Variants in TXNDC5 observed in about 807,000 individuals in gnomAD.
The protein encoded by TXNDC5 is thioredoxin domain-containing protein 5.
Under a neutral mutation model 52.6 loss-of-function variants are expected in TXNDC5, and 44 were observed. The observed-to-expected ratio is 0.84, with a 90% CI of 0.66 to 1.08. The LOEUF (loss-of-function observed/expected upper bound fraction) is 1.08. Among genes scored for constraint, TXNDC5 ranks in the 50% least tolerant of loss-of-function variants. The pLI is 0.00. For missense variants in TXNDC5, 600 were observed against 565.5 expected (o/e 1.06, Z -0.62); for synonymous variants, 241 against 234.4 (o/e 1.03, Z -0.26).
At chr6:7,902,309 C>G (rs1760596574) in intron 2 of TXNDC5, among the ~76,000 whole-genome samples, 1 of 152,194 alleles carries the variant, frequency 6.6e-6, no homozygotes, top group Non-Finnish European at 1.5e-5. Flanking sequence ...GTAGTTCCCC[C>G]CGTCAGTCCT....
At chr6:7,885,450 C>T (rs922752343) in intron 8 of TXNDC5, among the ~76,000 whole-genome samples, 3 of 152,200 alleles carry the variant, frequency 2.0e-5, no homozygotes, top group African/African-American at 7.2e-5. Flanking sequence ...CATTTCTGCT[C>T]TGGTCTCCAA....
At position 7,881,522 on chromosome 6, in the gene TXNDC5, A is replaced by T. The variant is rs576618139; in HGVS notation, c.*1622T>A. ...CATTGAAGGAAAGACCAGACTTTTAAAAAAAAAGAGTTTATTTAGAAAGTA... is the reference window on the plus strand; with the variant it reads ...CATTGAAGGAAAGACCAGACTTTTATAAAAAAAGAGTTTATTTAGAAAGTA... On this transcript the variant is annotated 3_prime_UTR_variant, in exon 10 of 10. Transcript: ENST00000379757. The T allele has an allele frequency of 1.3e-4, 20 of 152,126 alleles. No individual in the cohort carries two copies. The highest frequency in any genetic ancestry group is 6.2e-4 in the South Asian group (3 of 4,812). The allele number at this position is 152,126 out of a possible 1,614,324, so 9.4% of individuals were successfully genotyped here.
At position 7,882,166 on chromosome 6, in the gene TXNDC5, T is replaced by G. The variant is rs1759771720; in HGVS notation, c.*978A>C. ...TATAGCAAGCCTCTAAAAGGACTAC[T>G]GAGAAACAGAATCAGAAACTCTAGA... On this transcript the variant is annotated 3_prime_UTR_variant, in exon 10 of 10. Transcript: ENST00000379757. 6.6e-6 allele frequency: 1 copy of G among 152,634 alleles called. No homozygotes were observed. The allele number at this position is 152,634 out of a possible 1,614,324, so 9.5% of individuals were successfully genotyped here.
intron 4 of TXNDC5, among the ~76,000 whole-genome samples, chr6:7,892,269 A>T (rs1463727942): frequency 6.6e-6 from 1 of 152,230 alleles, no homozygotes; most frequent in Non-Finnish European, 1.5e-5. Flanking sequence ...TTTTGTCCCC[A>T]GACCCAACTA....
At chr6:7,889,296 G>GAA (rs1291159815) in intron 6 of TXNDC5, 199 bp downstream of exon 6, 2 of 547,808 alleles carry the variant, frequency 3.7e-6, no homozygotes, top group African/African-American at 3.8e-5. Flanking sequence ...CTGGGCCACT[G>GAA]AAATGTTTCA....
intron 5 of TXNDC5, among the ~76,000 whole-genome samples, chr6:7,891,033 A>G (rs1760172460): frequency 1.3e-5 from 2 of 152,230 alleles, no homozygotes; most frequent in South Asian, 4.1e-4. Flanking sequence ...AAGAAAGGAA[A>G]TCTATGCATG....
At chr6:7,897,016 AG>A (rs952498167) in intron 3 of TXNDC5, among the ~76,000 whole-genome samples, 5 of 152,104 alleles carry the variant, frequency 3.3e-5, no homozygotes, top group Non-Finnish European at 7.4e-5. Flanking sequence ...ACTCAAAAGA[AG>A]GGGGGGTGGA....
At position 7,886,017 on chromosome 6, in the gene TXNDC5, A is replaced by G. The variant is rs1332860678; in HGVS notation, c.990T>C (p.Asn330=). The G allele has an allele frequency of 3.7e-6, 6 of 1,614,068 alleles. No homozygotes were observed. Among genetic ancestry groups the G allele is most frequent in the Non-Finnish European group, 4.2e-6 (5 of 1,180,034 alleles). The stretch of plus-strand genomic sequence containing the variant: ...CTTCTGCAATGGTGTCATCGAAGTT[A>G]TTTTCAGTGAGTGCCAACACAGTGC... ...DKGTVLALTE[N]NFDDTIAEGI... is the part of the protein sequence containing the mutation. The change falls in exon 8 of 10, where the codon AAT becomes AAC. Residue 330 remains asparagine, a synonymous_variant. Coordinates refer to ENST00000379757, the MANE Select transcript of TXNDC5 (RefSeq NM_030810.5).
chr6:7,899,635 G>C lies in TXNDC5; in HGVS notation c.460C>G (p.Pro154Ala), dbSNP rs754103177. Reference protein sequence around the residue: ...PGQEAVKYQGPRDFQTLENWM... With the variant: ...PGQEAVKYQGARDFQTLENWM... Reference sequence around the variant, plus strand: ...TTTTCCAGTGTCTGGAAGTCCCGAGGACCCTGGTACTTCACAGCTTCTTGG... The same window carrying C: ...TTTTCCAGTGTCTGGAAGTCCCGAGCACCCTGGTACTTCACAGCTTCTTGG... Residue 154 changes from proline (P) to alanine (A), a missense_variant, in exon 3 of 10, where the codon CCT becomes GCT. Physicochemically the swap from Pro to Ala is conservative, Grantham distance 27. Transcript: ENST00000379757. The C allele has an allele frequency of 1.2e-6, 2 of 1,614,124 alleles. No individual in the cohort carries two copies. The highest frequency in any genetic ancestry group is 3.3e-5 in the Admixed American group (2 of 60,022).
intron 1 of TXNDC5, chr6:7,909,799 G>A (rs1165780230): frequency 1.0e-6 from 1 of 986,064 alleles, no homozygotes; most frequent in South Asian, 4.7e-5. Context: ...GACGCACAAA[G>A]TGGGAAACCA....
At chr6:7,895,045 GC>G in intron 4 of TXNDC5, 60 bp downstream of exon 4, 1 of 1,562,068 alleles carries the variant, frequency 6.4e-7, no homozygotes, top group Non-Finnish European at 8.7e-7. Context: ...GGAAGGAAAA[GC>G]CCAGCACGCC....
intron 9 of TXNDC5, 121 bp from the exon 10 acceptor site, chr6:7,883,387 T>C: frequency 7.1e-7 from 1 of 1,411,702 alleles, no homozygotes; most frequent in South Asian, 1.3e-5. Flanking sequence ...GGCTAATTTT[T>C]AAAGGTGTAT....
chr6:7,883,046 G>C lies in TXNDC5; in HGVS notation c.*98C>G, dbSNP rs759400006. The C allele has an allele frequency of 1.9e-6, 3 of 1,549,632 alleles. No individual in the cohort carries two copies. Among genetic ancestry groups the C allele is most frequent in the Admixed American group, 3.5e-5 (2 of 57,028 alleles). ...TCACGCTTAGTATGTTCTGCTTTCT[G>C]AACAGCCACCACTGGGAACCCAGTG... On this transcript the variant is annotated 3_prime_UTR_variant, in exon 10 of 10. Coordinates refer to ENST00000379757, the MANE Select transcript of TXNDC5 (RefSeq NM_030810.5).
chr6:7,902,696 T>C (rs1383348668), intron 2 of TXNDC5, among the ~76,000 whole-genome samples: 2 of 152,156 alleles, frequency 1.3e-5, no homozygotes, highest in Admixed American at 6.5e-5. Flanking sequence ...AGGGCAGTGA[T>C]GGTCACAGAG....
At chr6:7,901,680 G>A (rs1179161171) in intron 2 of TXNDC5, among the ~76,000 whole-genome samples, 1 of 152,094 alleles carries the variant, frequency 6.6e-6, no homozygotes, top group East Asian at 1.9e-4. Flanking sequence ...ATGGAGACTG[G>A]GCCACAGGGT....
intron 3 of TXNDC5, among the ~76,000 whole-genome samples, chr6:7,895,944 G>A (rs1214538503): frequency 6.6e-6 from 1 of 152,160 alleles, no homozygotes; most frequent in Non-Finnish European, 1.5e-5. Flanking sequence ...AGTGAGCTGA[G>A]AACATGCCAC....
chr6:7,898,617 C>G (rs1418942652), intron 3 of TXNDC5, among the ~76,000 whole-genome samples: 1 of 152,156 alleles, frequency 6.6e-6, no homozygotes, highest in Non-Finnish European at 1.5e-5. Flanking sequence ...CCTAGCTCAT[C>G]AGGATCCTAC....
rs140059048 is a variant in TXNDC5 at position 7,908,894 on chromosome 6, A to G, written c.263+1620T>C. 1.2e-4 allele frequency among the ~76,000 whole-genome samples: 18 copies of G among 152,332 alleles called. No homozygotes were observed. The East Asian group carries it at 3.3e-3, about 28-fold the overall frequency. ...GAAAACCCATCGACAGATGTATTCC[A>G]CTGAAATAGGCTCCAATTAAGTAGT... is the stretch of plus-strand genomic sequence containing the variant. On this transcript the variant is annotated intron_variant, in intron 1 of 9. Coordinates refer to ENST00000379757, the MANE Select transcript of TXNDC5 (RefSeq NM_030810.5).
chr6:7,910,247 T>TCCCGGCC, intron 1 of TXNDC5, among the ~76,000 whole-genome samples: 1 of 148,602 alleles, frequency 6.7e-6, no homozygotes, highest in Non-Finnish European at 1.5e-5. Flanking sequence ...AGTCCCCGGC[T>TCCCGGCC]CCCGGCCCCG....
Sources: allele counts gnomAD v4.1 joint callset (sites outside exome capture counted in the v4.1 genomes callset), GRCh38; gene constraint gnomAD v4.1.1; transcripts MANE v1.5; gene names NCBI Gene and HGNC (gene_info 2026-07-23, HGNC 2026-07-21).